The following DNAH8 variants were observed in gnomAD, a reference collection of about 807,000 sequenced individuals.
The protein encoded by DNAH8 is dynein axonemal heavy chain 8, also known as axonemal beta dynein heavy chain 8.
A neutral mutation model predicts 562.1 loss-of-function variants in DNAH8; 382 were observed. The ratio of observed to expected loss-of-function variants is 0.68; its 90% CI spans 0.63 to 0.74. The LOEUF (loss-of-function observed/expected upper bound fraction) is 0.74, where lower values mean the gene tolerates loss of function less well. Among genes scored for constraint, DNAH8 ranks in the 30% least tolerant of loss-of-function variants. DNAH8 has a pLI of 0.00. For missense variants in DNAH8, 5,203 were observed against 5,620.4 expected, an observed-to-expected ratio of 0.93 and a Z score of 2.37; for synonymous variants, 1,881 against 1,919.4, an observed-to-expected ratio of 0.98 and a Z score of 0.52.
intron 1 of DNAH8, among the ~76,000 whole-genome samples, chr6:38,717,955 T>C (rs1762469633): frequency 6.6e-6 from 1 of 152,244 alleles, no homozygotes. Flanking sequence ...TATACACATA[T>C]ACACACTTTA....
chr6:38,874,099 TTTCTCC>T, intron 52 of DNAH8, among the ~76,000 whole-genome samples: 1 of 118,234 alleles, frequency 8.5e-6, no homozygotes, highest in Admixed American at 9.0e-5. Flanking sequence ...TTTCTTTCTC[TTTCTCC>T]TTCCTTCCTT....
At chr6:38,897,453 A>C (rs545888872) in intron 60 of DNAH8, among the ~76,000 whole-genome samples, 1 of 152,342 alleles carries the variant, frequency 6.6e-6, no homozygotes, top group South Asian at 2.1e-4. Flanking sequence ...ACATAAAAGT[A>C]TTTCATTTAA....
At chr6:39,000,082 TAA>T (rs1029518653) in intron 88 of DNAH8, among the ~76,000 whole-genome samples, 20 of 152,206 alleles carry the variant, frequency 1.3e-4, no homozygotes, top group Non-Finnish European at 2.5e-4. Flanking sequence ...TGAGGTTTAA[TAA>T]AATGCAAGCC....
chr6:38,940,151 G>A (rs1783318466), intron 79 of DNAH8, among the ~76,000 whole-genome samples: 1 of 152,120 alleles, frequency 6.6e-6, no homozygotes, highest in East Asian at 1.9e-4. Flanking sequence ...ACACGTGTAA[G>A]GATCAAAGAA....
At chr6:38,769,886 T>C (rs2127620479) in intron 11 of DNAH8, among the ~76,000 whole-genome samples, 1 of 152,374 alleles carries the variant, frequency 6.6e-6, no homozygotes, top group South Asian at 2.1e-4. Flanking sequence ...CTTGACATAA[T>C]AGTTAATTCC....
At chr6:38,980,154 G>A (rs9394560) in intron 85 of DNAH8, among the ~76,000 whole-genome samples, 69,854 of 151,870 alleles carry the variant, frequency 0.46, 16,411 homozygotes, top group East Asian at 0.69. Flanking sequence ...ACAGAGAAAG[G>A]GTTCCTTTTG....
At chr6:38,742,340 T>G (rs1190455943) in intron 8 of DNAH8, among the ~76,000 whole-genome samples, 2 of 152,112 alleles carry the variant, frequency 1.3e-5, no homozygotes, top group Admixed American at 6.6e-5. Flanking sequence ...GTTCTGTCAC[T>G]CGGGTGGGGT....
intron 63 of DNAH8, among the ~76,000 whole-genome samples, chr6:38,907,594 GATGCTTA>G (rs1780577777): frequency 6.6e-6 from 1 of 152,206 alleles, no homozygotes; most frequent in Non-Finnish European, 1.5e-5. Context: ...ATGGTATACA[GATGCTTA>G]ATGGTGCAAA....
At chr6:38,749,049 G>A (rs900536819) in intron 8 of DNAH8, among the ~76,000 whole-genome samples, 7 of 152,038 alleles carry the variant, frequency 4.6e-5, no homozygotes, top group Non-Finnish European at 4.4e-5. Flanking sequence ...TGTATTTAGA[G>A]TGATGTTGTG....
intron 7 of DNAH8, among the ~76,000 whole-genome samples, chr6:38,739,851 C>T (rs1455340452): frequency 1.3e-5 from 2 of 152,074 alleles, no homozygotes; most frequent in Non-Finnish European, 1.5e-5. Context: ...TTATTTTTAA[C>T]ATTTAGGTGT....
chr6:38,768,208 A>G (rs1328178654), intron 11 of DNAH8, among the ~76,000 whole-genome samples: 1 of 152,020 alleles, frequency 6.6e-6, no homozygotes, highest in Non-Finnish European at 1.5e-5. Context: ...TATTCTGGAT[A>G]TTAATTCCTT....
chr6:38,825,222 A>G (rs926080714), intron 28 of DNAH8, among the ~76,000 whole-genome samples: 1 of 152,052 alleles, frequency 6.6e-6, no homozygotes, highest in Non-Finnish European at 1.5e-5. Flanking sequence ...GACTGGCTGC[A>G]TGGTTGTTCT....
rs369468382 is a variant in DNAH8 at position 38,931,821 on chromosome 6, G to A, written c.11285G>A (p.Gly3762Asp). ...TGTGAATTTATGTAGGTGAAAGTCG[G>A]TGATAAGGAATGTGATATCATGGAT... ...KSGTTFKVKV[G>D]DKECDIMDTF... The change falls in exon 76 of 93, where the codon GGT becomes GAT. Residue 3762 changes from glycine to aspartate, a missense_variant. Coordinates refer to ENST00000327475, the MANE Select transcript of DNAH8 (RefSeq NM_001206927.2). 1.1e-4 allele frequency: 176 copies of A among 1,565,902 alleles called. No individual in the cohort carries two copies. In the East Asian group the frequency reaches 4.0e-3, roughly 35 times the overall value.
At chr6:38,836,210 A>C (rs1774273785) in intron 32 of DNAH8, among the ~76,000 whole-genome samples, 1 of 152,096 alleles carries the variant, frequency 6.6e-6, no homozygotes, top group African/African-American at 2.4e-5. Flanking sequence ...TTGCAGAGAA[A>C]ATTTAGGGCA....
At chr6:38,976,655 T>G (rs922698491) in intron 85 of DNAH8, among the ~76,000 whole-genome samples, 1 of 152,236 alleles carries the variant, frequency 6.6e-6, no homozygotes, top group Non-Finnish European at 1.5e-5. Flanking sequence ...ATGATTTGTA[T>G]GCACCTGAAT....
In DNAH8 at chr6:38,979,228, T is replaced by C. The variant is rs568654081; in HGVS notation, c.12835-3118T>C. ...TTGAACGTCTCCTTCAGGCTTATCA[T>C]TGTGAAATTTTGACAGTTAATTATA... On this transcript the variant is annotated intron_variant, in intron 85 of 92. Coordinates refer to ENST00000327475, the MANE Select transcript of DNAH8 (RefSeq NM_001206927.2). 4.6e-5 allele frequency among the ~76,000 whole-genome samples: 7 copies of C among 152,360 alleles called. No homozygotes were observed. The South Asian group carries it at 1.4e-3, about 32-fold the overall frequency.
At chr6:38,854,329 A>T (rs1776011543) in intron 41 of DNAH8, among the ~76,000 whole-genome samples, 1 of 152,134 alleles carries the variant, frequency 6.6e-6, no homozygotes. Flanking sequence ...GGCCAGAGAG[A>T]GCATGGGATA....
At chr6:38,834,707 G>A (rs1470927575) in intron 32 of DNAH8, 66 bp downstream of exon 32, 2 of 1,281,842 alleles carry the variant, frequency 1.6e-6, no homozygotes, top group East Asian at 2.3e-5. Flanking sequence ...GGGGAAAGAT[G>A]GAGGTTTTAC....
intron 24 of DNAH8, among the ~76,000 whole-genome samples, chr6:38,813,326 G>A (rs957332139): frequency 1.3e-5 from 2 of 151,984 alleles, no homozygotes; most frequent in Non-Finnish European, 2.9e-5. Context: ...GTTTATCTGG[G>A]AACCATTGGC....
Sources: allele counts gnomAD v4.1 joint callset (sites outside exome capture counted in the v4.1 genomes callset), GRCh38; gene constraint gnomAD v4.1.1; transcripts MANE v1.5; gene names NCBI Gene and HGNC (gene_info 2026-07-23, HGNC 2026-07-21).